VPS41: variants seen among roughly 807,000 people sequenced by gnomAD.
VPS41 encodes vacuolar protein sorting-associated protein 41 homolog.
In VPS41, 85 loss-of-function variants were observed where a neutral mutation model predicts 130.9. That is an observed-to-expected ratio of 0.65 (90% confidence interval 0.55 to 0.78). The LOEUF (loss-of-function observed/expected upper bound fraction) is 0.78. Among genes scored for constraint, VPS41 ranks in the 30% least tolerant of loss-of-function variants. VPS41 has a pLI of 0.00. For synonymous variants in VPS41, 335 were observed against 332.9 expected (o/e 1.01, Z -0.07); for missense variants, 874 against 1,018.7 (o/e 0.86, Z 1.93).
intron 4 of VPS41, among the ~76,000 whole-genome samples, chr7:38,842,459 A>G (rs1215552923): frequency 1.3e-5 from 2 of 152,184 alleles, no homozygotes; most frequent in Non-Finnish European, 2.9e-5. Flanking sequence ...CATACATCCC[A>G]GTTTGCCCTT....
intron 15 of VPS41, among the ~76,000 whole-genome samples, chr7:38,767,158 CAG>C (rs1225083833): frequency 6.6e-6 from 1 of 152,142 alleles, no homozygotes; most frequent in Admixed American, 6.5e-5. Flanking sequence ...CTATTGCTCA[CAG>C]AGTCCTTTAG....
chr7:38,765,684 C>A, intron 15 of VPS41, 23 bp from the exon 16 acceptor site: 2 of 1,513,450 alleles, frequency 1.3e-6, no homozygotes, highest in Non-Finnish European at 9.0e-7. Flanking sequence ...ACATCCCAGG[C>A]AGAAAGAAAG....
At chr7:38,867,557 A>T (rs1562616461) in intron 3 of VPS41, among the ~76,000 whole-genome samples, 1 of 151,928 alleles carries the variant, frequency 6.6e-6, no homozygotes, top group Admixed American at 6.6e-5. Flanking sequence ...AAAAAAAAAA[A>T]TAAATAAATA....
Position 38,723,617 on chromosome 7 carries a change from C to T in VPS41, c.*2629G>A, listed in dbSNP as rs73370730. Reference sequence around the variant, plus strand: ...TGCGTGCCTGTACTCCCACCTACTCCGGAAGCTGAGACGGGAGAATCACTT... The same window carrying T: ...TGCGTGCCTGTACTCCCACCTACTCTGGAAGCTGAGACGGGAGAATCACTT... On this transcript the variant is annotated 3_prime_UTR_variant, in exon 29 of 29. Coordinates refer to ENST00000310301, the MANE Select transcript of VPS41 (RefSeq NM_014396.4). 13,005 of 148,128 alleles carry T rather than the reference C, an allele frequency of 0.088. 624 individuals carry two copies. The highest frequency in any genetic ancestry group is 0.13 in the South Asian group (626 of 4,660). The allele number at this position is 148,128 out of a possible 1,614,324, so 9.2% of individuals were successfully genotyped here.
chr7:38,817,989 C>T, intron 6 of VPS41, 107 bp from the exon 7 acceptor site: 1 of 834,380 alleles, frequency 1.2e-6, no homozygotes, highest in South Asian at 1.4e-5. Flanking sequence ...TATCCTGAAA[C>T]CTTGGTAGGA....
intron 4 of VPS41, among the ~76,000 whole-genome samples, chr7:38,833,852 T>C (rs147990280): frequency 6.6e-6 from 1 of 152,080 alleles, no homozygotes; most frequent in Non-Finnish European, 1.5e-5. Context: ...AACCTTATAA[T>C]AATAAAACTC....
chr7:38,773,056 G>T (rs1263045309), intron 12 of VPS41, among the ~76,000 whole-genome samples: 1 of 152,044 alleles, frequency 6.6e-6, no homozygotes, highest in Non-Finnish European at 1.5e-5. Flanking sequence ...AATTTTATTT[G>T]TGGCCATTTA....
chr7:38,776,645 C>T, intron 11 of VPS41, 34 bp downstream of exon 11: 1 of 1,246,860 alleles, frequency 8.0e-7, no homozygotes, highest in Non-Finnish European at 1.2e-6. Context: ...AGTGAACCCC[C>T]ACATGCCTTT....
chr7:38,749,773 T>C (rs1002371172), intron 22 of VPS41, among the ~76,000 whole-genome samples: 2 of 152,230 alleles, frequency 1.3e-5, no homozygotes, highest in African/African-American at 4.8e-5. Flanking sequence ...CATTCGCAAA[T>C]TGGTACATAC....
chr7:38,727,196 T>C (rs1562562081), intron 27 of VPS41: 1 of 384,568 alleles, frequency 2.6e-6, no homozygotes, highest in Non-Finnish European at 4.6e-6. Flanking sequence ...ATTCACAGGT[T>C]ACTTGCTTAG....
intron 10 of VPS41, among the ~76,000 whole-genome samples, chr7:38,779,120 C>T (rs1416909535): frequency 6.6e-6 from 1 of 152,198 alleles, no homozygotes; most frequent in Non-Finnish European, 1.5e-5. Context: ...GTAATAAACG[C>T]TTACTTGTTA....
At chr7:38,833,370 A>G (rs1785431362) in intron 4 of VPS41, among the ~76,000 whole-genome samples, 2 of 152,166 alleles carry the variant, frequency 1.3e-5, no homozygotes, top group Non-Finnish European at 2.9e-5. Context: ...TATCTCAAGA[A>G]ATAAGCCAAG....
chr7:38,872,046 G>C (rs184637093), intron 2 of VPS41, among the ~76,000 whole-genome samples: 1 of 152,148 alleles, frequency 6.6e-6, no homozygotes, highest in African/African-American at 2.4e-5. Flanking sequence ...GCTTAGCTGA[G>C]TGGTTCACTG....
chr7:38,891,849 T>G (rs554661947), intron 2 of VPS41, among the ~76,000 whole-genome samples: 1 of 152,158 alleles, frequency 6.6e-6, no homozygotes, highest in Admixed American at 6.5e-5. Flanking sequence ...AATTTTTGTA[T>G]TATACAAAGC....
intron 1 of VPS41, among the ~76,000 whole-genome samples, chr7:38,901,554 A>G (rs12535711): frequency 0.62 from 94,586 of 151,986 alleles, 30,809 homozygotes; most frequent in East Asian, 0.89. Flanking sequence ...TCTCTTGGGA[A>G]CTAATAGAAA....
intron 25 of VPS41, among the ~76,000 whole-genome samples, chr7:38,731,241 A>T (rs1795657876): frequency 1.3e-5 from 2 of 152,210 alleles, no homozygotes. Context: ...GTAGGCAATT[A>T]AAGGTGATAA....
chr7:38,752,415 G>T, intron 21 of VPS41, 102 bp from the exon 22 acceptor site: 1 of 1,406,794 alleles, frequency 7.1e-7, no homozygotes, highest in Non-Finnish European at 9.7e-7. Context: ...TGGACAGGTT[G>T]GGGGAGAAGC....
intron 13 of VPS41, 97 bp downstream of exon 13, chr7:38,772,425 C>T: frequency 2.4e-6 from 2 of 836,130 alleles, no homozygotes; most frequent in Non-Finnish European, 3.6e-6. Flanking sequence ...GGAAACTCTA[C>T]TTTGACTACA....
rs1227174797 is a variant in VPS41 at position 38,795,446 on chromosome 7, T to A, written c.717+19A>T. On this transcript the variant is annotated intron_variant, in intron 9 of 28. Transcript: ENST00000310301. ...GATCTATAACAACACGGACTTATTA[T>A]AAAGACAAGCAAAACCACCTTGACA... 5 of 1,605,926 alleles carry A rather than the reference T, an allele frequency of 3.1e-6. No homozygotes were observed. Among genetic ancestry groups the A allele is most frequent in the Non-Finnish European group, 4.3e-6 (5 of 1,175,532 alleles).
Sources: gnomAD v4.1 joint callset for allele counts (sites outside exome capture counted in the v4.1 genomes callset) on GRCh38, gnomAD v4.1.1 for gene constraint, MANE v1.5 for transcripts, NCBI Gene and HGNC (gene_info 2026-07-23, HGNC 2026-07-21) for gene names.